Variants in NEDD1 observed in about 807,000 individuals in gnomAD.
NEDD1 encodes NEDD1 gamma-tubulin ring complex targeting factor, also known as protein NEDD1.
Under a neutral mutation model 74.0 loss-of-function variants are expected in NEDD1, and 33 were observed. The observed-to-expected ratio is 0.45, with a 90% CI of 0.34 to 0.60. The LOEUF is 0.60. NEDD1 is among the 20% of genes least tolerant of loss of function. The pLI, the probability that NEDD1 is intolerant of heterozygous loss-of-function variation, is 0.01. For missense variants in NEDD1, 746 were observed against 776.5 expected, an observed-to-expected ratio of 0.96 and a Z score of 0.47; for synonymous variants, 250 against 264.4, an observed-to-expected ratio of 0.95 and a Z score of 0.53.
At chr12:96,941,637 C>T (rs1877672161) in intron 10 of NEDD1, among the ~76,000 whole-genome samples, 1 of 152,078 alleles carries the variant, frequency 6.6e-6, no homozygotes, top group Non-Finnish European at 1.5e-5. Flanking sequence ...GCCAGTGAGA[C>T]TCCTCTGGAG....
At chr12:96,945,539 G>C (rs546727549) in intron 13 of NEDD1, among the ~76,000 whole-genome samples, 154 bp from the exon 14 acceptor site, 6 of 152,062 alleles carry the variant, frequency 3.9e-5, no homozygotes, top group Non-Finnish European at 7.4e-5. Flanking sequence ...AAGTTTCTAA[G>C]ATTTGTATTC....
At chr12:96,910,003 T>C in intron 3 of NEDD1, 108 bp downstream of exon 3, 1 of 1,154,824 alleles carries the variant, frequency 8.7e-7, no homozygotes, top group Non-Finnish European at 1.2e-6. Context: ...GAGTAATGTG[T>C]TTTGCATTGC....
intron 6 of NEDD1, among the ~76,000 whole-genome samples, chr12:96,928,802 T>TCAGCCTC (rs1212157963): frequency 2.7e-5 from 4 of 148,612 alleles, no homozygotes; most frequent in Non-Finnish European, 5.9e-5. Flanking sequence ...TTCTCCTGCC[T>TCAGCCTC]CAGCCTCCCG....
chr12:96,935,646 AAT>A (rs1877010412), intron 7 of NEDD1, among the ~76,000 whole-genome samples: 1 of 152,092 alleles, frequency 6.6e-6, no homozygotes, highest in South Asian at 2.1e-4. Context: ...CTGCTTACTA[AAT>A]ACCAATGGCC....
At chr12:96,911,837 T>C (rs764704908) in intron 3 of NEDD1, among the ~76,000 whole-genome samples, 21 of 152,188 alleles carry the variant, frequency 1.4e-4, no homozygotes, top group Non-Finnish European at 2.6e-4. Flanking sequence ...GTTTACAAAA[T>C]ACCTGAAAGT....
chr12:96,942,713 CT>C, intron 11 of NEDD1, 89 bp downstream of exon 11: 1 of 717,112 alleles, frequency 1.4e-6, no homozygotes, highest in Non-Finnish European at 2.5e-6. Context: ...CACTTTGAGG[CT>C]TAAAAAAATA....
rs1878798574 is a variant in NEDD1, at chr12:96,952,493, G to T, written c.*440G>T. 1 of 152,456 alleles carries T rather than the reference G, an allele frequency of 6.6e-6. No individual in the cohort carries two copies. 9.4% of individuals were successfully genotyped at this position (152,456 alleles called of 1,614,324 possible). On this transcript the variant is annotated 3_prime_UTR_variant, in exon 16 of 16. Transcript: ENST00000266742. ...TTATGGAGAAAGTAATTTTAAAATG[G>T]CAATTGGTGTTTCTAAGCCATTGAC...
intron 6 of NEDD1, among the ~76,000 whole-genome samples, chr12:96,920,729 C>T (rs970056058): frequency 6.6e-6 from 1 of 152,098 alleles, no homozygotes; most frequent in East Asian, 1.9e-4. Context: ...GTTGACTTTC[C>T]ATAAGATTCG....
At chr12:96,937,632 T>C (rs945592274) in intron 9 of NEDD1, among the ~76,000 whole-genome samples, 4 of 152,090 alleles carry the variant, frequency 2.6e-5, no homozygotes, top group African/African-American at 4.8e-5. Flanking sequence ...GTGAGAAATA[T>C]TGTCTTAAAA....
In NEDD1 at chr12:96,935,031, C is replaced by T. The variant is rs748866951; in HGVS notation, c.545C>T (p.Ser182Leu). Residue 182 changes from serine to leucine, a missense_variant, in exon 7 of 16, where the codon TCG becomes TTG. Ser to Leu is a moderately radical substitution (Grantham distance 145). Transcript: ENST00000266742. Reference sequence around the variant, plus strand: ...AAGAAATCACTACTGGGCAGTGTTTCGGATAATGGAATAGTAACTCTCTGG... The same window carrying T: ...AAGAAATCACTACTGGGCAGTGTTTTGGATAATGGAATAGTAACTCTCTGG... ...LFKKSLLGSVSDNGIVTLWDV... is the reference protein window; with the variant it reads ...LFKKSLLGSVLDNGIVTLWDV... 3.2e-5 allele frequency: 52 copies of T among 1,612,318 alleles called. No individual in the cohort carries two copies. The highest frequency in any genetic ancestry group is 2.3e-4 in the African/African-American group (17 of 74,996).
At chr12:96,934,888 G>C in intron 6 of NEDD1, 88 bp from the exon 7 acceptor site, 1 of 822,446 alleles carries the variant, frequency 1.2e-6, no homozygotes, top group South Asian at 1.5e-5. Flanking sequence ...CATGTGAATA[G>C]TGTGGTTGGC....
Position 96,907,664 on chromosome 12 carries a change from A to G in NEDD1, c.-201A>G, listed in dbSNP as rs1216545673. ...AGCTGTTGTCCTGCAAGTAAAGTGT[A>G]TTTTTGGTGATTGAAAGTTGGAGAA... is the stretch of plus-strand genomic sequence containing the variant. On this transcript the variant is annotated 5_prime_UTR_variant, in exon 2 of 16. Transcript: ENST00000266742. 1 of 1,550,914 alleles carries G rather than the reference A, an allele frequency of 6.4e-7. No individual in the cohort carries two copies. The highest frequency in any genetic ancestry group is 1.4e-5 in the African/African-American group (1 of 73,024).
intron 6 of NEDD1, among the ~76,000 whole-genome samples, chr12:96,926,973 C>T (rs77110098): frequency 8.4e-6 from 1 of 118,478 alleles, no homozygotes; most frequent in Non-Finnish European, 1.7e-5. Context: ...GGTGACAGAG[C>T]GAAAAAAAAA....
Position 96,909,821 on chromosome 12 carries a change from C to G in NEDD1, c.62C>G (p.Ser21Cys). 1.2e-6 allele frequency: 2 copies of G among 1,613,550 alleles called. No individual in the cohort carries two copies. The highest frequency in any genetic ancestry group is 8.5e-7 in the Non-Finnish European group (1 of 1,179,702). Residue 21 changes from serine (S) to cysteine (C), a missense_variant, in exon 3 of 16, where the codon TCT (serine) becomes TGT (cysteine). Ser to Cys is a moderately radical substitution (Grantham distance 112). Coordinates refer to ENST00000266742, the MANE Select transcript of NEDD1 (RefSeq NM_152905.4). ...GDDIKIWDASSMTLVDKFNPH... is the reference protein window; with the variant it reads ...GDDIKIWDASCMTLVDKFNPH... ...GATATTAAAATATGGGATGCTTCAT[C>G]TATGACATTGGTGGATAAATTCAAC...
intron 4 of NEDD1, among the ~76,000 whole-genome samples, chr12:96,914,926 A>G (rs1874285633): frequency 6.6e-6 from 1 of 152,202 alleles, no homozygotes; most frequent in Non-Finnish European, 1.5e-5. Context: ...CCTTAAGAGT[A>G]ATTGTAGTTG....
At chr12:96,909,916 ACAC>A in intron 3 of NEDD1, 21 bp downstream of exon 3, 2 of 1,216,282 alleles carry the variant, frequency 1.6e-6, no homozygotes, top group Non-Finnish European at 2.2e-6. Context: ...AAAAAAAAAA[ACAC>A]ACACACACAC....
chr12:96,916,092 T>C (rs1325978374), intron 4 of NEDD1, among the ~76,000 whole-genome samples: 2 of 151,858 alleles, frequency 1.3e-5, no homozygotes, highest in African/African-American at 4.8e-5. Context: ...ATTTAAGGAA[T>C]GGAAGGTCAG....
At chr12:96,939,021 T>C (rs1413254571) in intron 9 of NEDD1, among the ~76,000 whole-genome samples, 1 of 152,046 alleles carries the variant, frequency 6.6e-6, no homozygotes, top group African/African-American at 2.4e-5. Flanking sequence ...AGATAAAATG[T>C]ATTGGAAGTA....
intron 15 of NEDD1, 108 bp from the exon 16 acceptor site, chr12:96,951,841 C>G: frequency 1.6e-6 from 1 of 634,628 alleles, no homozygotes; most frequent in East Asian, 2.8e-5. Flanking sequence ...TATCATTCAC[C>G]TAGTTAATTG....
Sources: allele counts gnomAD v4.1 joint callset (sites outside exome capture counted in the v4.1 genomes callset), GRCh38; gene constraint gnomAD v4.1.1; transcripts MANE v1.5; gene names NCBI Gene and HGNC (gene_info 2026-07-23, HGNC 2026-07-21).